CEP112: variants seen among roughly 807,000 people sequenced by gnomAD.
The protein encoded by CEP112 is centrosomal protein of 112 kDa.
CEP112 carries 127 observed loss-of-function variants against 153.0 expected under a neutral mutation model. That is an observed-to-expected ratio of 0.83 (90% CI 0.72 to 0.96). CEP112 has a LOEUF of 0.96. Ranked by LOEUF, CEP112 falls within the 40% of genes least tolerant of loss-of-function variation. CEP112 has a pLI of 0.00. For missense variants in CEP112, 1,089 were observed against 1,101.2 expected, an observed-to-expected ratio of 0.99 and a Z score of 0.16; for synonymous variants, 358 against 374.4, an observed-to-expected ratio of 0.96 and a Z score of 0.51.
chr17:65,671,586 C>A (rs1009746632), intron 24 of CEP112, among the ~76,000 whole-genome samples: 1 of 152,104 alleles, frequency 6.6e-6, no homozygotes, highest in Admixed American at 6.6e-5. Flanking sequence ...ACTATATACA[C>A]CAACACACAA....
intron 23 of CEP112, among the ~76,000 whole-genome samples, chr17:65,706,968 C>T (rs2048948094): frequency 6.6e-6 from 1 of 152,186 alleles, no homozygotes; most frequent in African/African-American, 2.4e-5. Flanking sequence ...ATCTCTTTGA[C>T]AACTTGCTTC....
At chr17:65,693,547 T>C (rs1048439469) in intron 23 of CEP112, among the ~76,000 whole-genome samples, 3 of 150,552 alleles carry the variant, frequency 2.0e-5, no homozygotes, top group African/African-American at 7.3e-5. Context: ...ATGGGTGAAG[T>C]GGAACCGTTG....
chr17:65,660,208 T>TTCCTTCCTTCCTTCC lies in CEP112; in HGVS notation c.2698-19144_2698-19143insGGAAGGAAGGAAGGA, dbSNP rs1567823892. On this transcript the variant is annotated intron_variant, in intron 24 of 26. Transcript: ENST00000535342. ...CCTTCCTTCCTTCCTTCCTTCCTTCTTTCCTTCCCTCCCTCCCTCCTTCCT... is the reference window on the plus strand; with the variant it reads ...CCTTCCTTCCTTCCTTCCTTCCTTCTTCCTTCCTTCCTTCCTTCCTTCCCTCCCTCCCTCCTTCCT... Among the ~76,000 whole-genome samples the TTCCTTCCTTCCTTCC allele has an allele frequency of 1.4e-4, 6 of 41,926 alleles. 1 individual carries two copies. The highest frequency in any genetic ancestry group is 7.3e-4 in the African/African-American group (4 of 5,474). 27.5% of individuals were successfully genotyped at this position (41,926 alleles called of 152,430 possible). A position where few individuals can be genotyped will look rare whatever the true frequency, so the allele number is the denominator to read the frequency against.
chr17:65,768,566 T>C (rs901093492), intron 21 of CEP112, among the ~76,000 whole-genome samples: 5 of 152,116 alleles, frequency 3.3e-5, no homozygotes, highest in Admixed American at 1.3e-4. Flanking sequence ...TTCAATAAAA[T>C]ATTATCAAAC....
At chr17:66,163,138 T>G (rs1184977450) in intron 4 of CEP112, among the ~76,000 whole-genome samples, 1 of 152,164 alleles carries the variant, frequency 6.6e-6, no homozygotes, top group Non-Finnish European at 1.5e-5. Context: ...CCCAGCGGTC[T>G]TCTGGAGAAC....
chr17:66,138,421 G>C (rs1467217245), intron 4 of CEP112, among the ~76,000 whole-genome samples: 1 of 152,138 alleles, frequency 6.6e-6, no homozygotes, highest in Non-Finnish European at 1.5e-5. Flanking sequence ...AGTTTCTCCA[G>C]TGTTAAGACT....
chr17:65,894,239 AT>A (rs2059584958), intron 20 of CEP112, among the ~76,000 whole-genome samples: 1 of 152,132 alleles, frequency 6.6e-6, no homozygotes, highest in African/African-American at 2.4e-5. Context: ...ATGCAGAATA[AT>A]GCTTTTTCTC....
In CEP112 at chr17:66,010,687, A is replaced by G. The variant is rs137874597; in HGVS notation, c.1657-4918T>C. On this transcript the variant is annotated intron_variant, in intron 16 of 26. Coordinates refer to ENST00000535342, the MANE Select transcript of CEP112 (RefSeq NM_001199165.4). ...CATGAAGAGATGTTGGATTTTATCA[A>G]AAGCCTTTTCTGCAGCTATTGAGAT... 4.9e-4 allele frequency among the ~76,000 whole-genome samples: 74 copies of G among 152,334 alleles called. 1 individual carries two copies. The East Asian group carries it at 0.013, about 28-fold the overall frequency.
At chr17:65,687,880 A>G (rs541694787) in intron 24 of CEP112, among the ~76,000 whole-genome samples, 1 of 152,346 alleles carries the variant, frequency 6.6e-6, no homozygotes, top group African/African-American at 2.4e-5. Flanking sequence ...TTTTACAACC[A>G]ATGTATAAAC....
At chr17:66,188,440 T>C (rs1169536939) in intron 1 of CEP112, among the ~76,000 whole-genome samples, 1 of 134,870 alleles carries the variant, frequency 7.4e-6, no homozygotes, top group African/African-American at 2.8e-5. Flanking sequence ...CACCCCCTTT[T>C]CATAGGCTAT....
intron 4 of CEP112, among the ~76,000 whole-genome samples, chr17:66,157,474 C>A (rs1432443441): frequency 6.6e-6 from 1 of 152,072 alleles, no homozygotes; most frequent in Non-Finnish European, 1.5e-5. Flanking sequence ...CATCAACTAA[C>A]AGGCAAAATA....
intron 4 of CEP112, among the ~76,000 whole-genome samples, chr17:66,162,017 C>T (rs918735296): frequency 2.6e-5 from 4 of 151,860 alleles, no homozygotes; most frequent in Admixed American, 6.6e-5. Context: ...ACGAAATGGA[C>T]CAAGACACAA....
At chr17:66,174,481 A>G (rs563328553) in intron 4 of CEP112, among the ~76,000 whole-genome samples, 1 of 152,352 alleles carries the variant, frequency 6.6e-6, no homozygotes, top group Admixed American at 6.5e-5. Flanking sequence ...ATATTTTACT[A>G]AAACATTTCA....
At chr17:65,803,708 C>T (rs1359277251) in intron 21 of CEP112, among the ~76,000 whole-genome samples, 3 of 152,176 alleles carry the variant, frequency 2.0e-5, no homozygotes, top group Non-Finnish European at 4.4e-5. Flanking sequence ...ATTTCTGGAT[C>T]ATCCACGTTA....
intron 19 of CEP112, among the ~76,000 whole-genome samples, chr17:65,926,082 A>G (rs181697334): frequency 9.5e-4 from 144 of 152,350 alleles, no homozygotes; most frequent in Admixed American, 1.7e-3. Flanking sequence ...AGCACTGACG[A>G]CAAAATCTCA....
At position 66,029,202 on chromosome 17, in the gene CEP112, T is replaced by C. The variant is rs768164731; in HGVS notation, c.1424A>G (p.Gln475Arg). 9 of 1,611,690 alleles carry C rather than the reference T, an allele frequency of 5.6e-6. No individual in the cohort carries two copies. The South Asian group carries it at 6.6e-5, about 12-fold the overall frequency. The change falls in exon 14 of 27, where the codon CAA becomes CGA. Residue 475 changes from glutamine (Q) to arginine (R), a missense_variant. Gln to Arg is a conservative substitution (Grantham distance 43). Coordinates refer to ENST00000535342, the MANE Select transcript of CEP112 (RefSeq NM_001199165.4). Reference protein sequence around the residue: ...EKDHLVNDYEQNMKLLQTKYD... With the variant: ...EKDHLVNDYERNMKLLQTKYD... ...TTTGGTTTGTAACAGTTTCATGTTT[T>C]GCTCATAATCATTTACAAGATGGTC...
At chr17:65,657,296 C>A (rs114905373) in intron 24 of CEP112, among the ~76,000 whole-genome samples, 1 of 152,102 alleles carries the variant, frequency 6.6e-6, no homozygotes, top group Non-Finnish European at 1.5e-5. Flanking sequence ...TAATAACATT[C>A]CTAATATTTT....
At chr17:65,730,940 C>T (rs1367722053) in intron 23 of CEP112, among the ~76,000 whole-genome samples, 1 of 152,078 alleles carries the variant, frequency 6.6e-6, no homozygotes, top group Non-Finnish European at 1.5e-5. Flanking sequence ...TTCTTCTTGA[C>T]ATGAAATCTC....
chr17:65,833,014 A>G (rs1394028700), intron 21 of CEP112, among the ~76,000 whole-genome samples: 1 of 152,208 alleles, frequency 6.6e-6, no homozygotes, highest in Non-Finnish European at 1.5e-5. Flanking sequence ...CACCACGATC[A>G]AGTAGACGTC....
Sources: gnomAD v4.1 joint callset for allele counts (sites outside exome capture counted in the v4.1 genomes callset) on GRCh38, gnomAD v4.1.1 for gene constraint, MANE v1.5 for transcripts, NCBI Gene and HGNC (gene_info 2026-07-23, HGNC 2026-07-21) for gene names.